JARID2: variants seen among roughly 807,000 people sequenced by gnomAD.
JARID2 encodes the protein jumonji and AT-rich interaction domain containing 2.
In JARID2, 21 loss-of-function variants were observed where a neutral mutation model predicts 125.6. The observed-to-expected ratio is 0.17, with a 90% CI of 0.12 to 0.24. The LOEUF (loss-of-function observed/expected upper bound fraction) is 0.24, where lower values mean the gene tolerates loss of function less well. JARID2 is among the 10% of genes least tolerant of loss of function. The pLI, the probability that JARID2 is intolerant of heterozygous loss-of-function variation, is 1.00. For missense variants in JARID2, 1,303 were observed against 1,639.6 expected (o/e 0.79, Z 3.55); for synonymous variants, 736 against 661.6 (o/e 1.11, Z -1.73).
chr6:15,318,824 G>T (rs532415069), intron 1 of JARID2, among the ~76,000 whole-genome samples: 870 of 152,332 alleles, frequency 5.7e-3, no homozygotes, highest in Non-Finnish European at 9.6e-3. Context: ...ATCTTGGAGG[G>T]TGGTGTGGGG....
At chr6:15,509,024 G>C in intron 12 of JARID2, 1 of 1,289,302 alleles carries the variant, frequency 7.8e-7, no homozygotes, top group East Asian at 5.6e-5. Flanking sequence ...GAGTTGACTT[G>C]GGAATCTCGT....
intron 1 of JARID2, among the ~76,000 whole-genome samples, chr6:15,258,938 G>A (rs543539951): frequency 2.0e-5 from 3 of 152,292 alleles, no homozygotes; most frequent in East Asian, 1.9e-4. Context: ...CCAGTTGTTC[G>A]AGGAAGAGGA....
intron 5 of JARID2, among the ~76,000 whole-genome samples, chr6:15,476,660 C>T (rs1031716698): frequency 7.9e-5 from 12 of 152,224 alleles, no homozygotes; most frequent in Non-Finnish European, 1.8e-4. Context: ...TCAAGGGTTA[C>T]AATAACAATG....
chr6:15,382,028 AAT>A (rs1764608347), intron 2 of JARID2, among the ~76,000 whole-genome samples: 1 of 152,262 alleles, frequency 6.6e-6, no homozygotes, highest in Non-Finnish European at 1.5e-5. Flanking sequence ...TCACGCCTGT[AAT>A]CCCAGCACTT....
At chr6:15,352,618 C>T (rs1358430886) in intron 1 of JARID2, among the ~76,000 whole-genome samples, 1 of 152,154 alleles carries the variant, frequency 6.6e-6, no homozygotes, top group Non-Finnish European at 1.5e-5. Context: ...CCCTTAACGT[C>T]CTGGAAACAT....
At position 15,300,684 on chromosome 6, in the gene JARID2, TG is replaced by T. The variant is rs1215380396; in HGVS notation, c.45+54101del. On this transcript the variant is annotated intron_variant, in intron 1 of 17. Transcript: ENST00000341776. ...TTGCAAAGACCCAGTGTCCTCATGT[TG>T]TGTGTGTGTGTGTGTGTGTGTGTGT... Among the ~76,000 whole-genome samples the T allele has an allele frequency of 1.7e-4, 10 of 57,444 alleles. No individual in the cohort carries two copies. In the South Asian group the frequency reaches 2.2e-3, roughly 13 times the overall value. The allele number at this position is 57,444 out of a possible 152,430, so 37.7% of individuals were successfully genotyped here. A position where few individuals can be genotyped will look rare whatever the true frequency, so the allele number is the denominator to read the frequency against.
At chr6:15,403,465 C>G (rs1765520112) in intron 2 of JARID2, among the ~76,000 whole-genome samples, 1 of 152,100 alleles carries the variant, frequency 6.6e-6, no homozygotes, top group Non-Finnish European at 1.5e-5. Flanking sequence ...TTACCTCTTC[C>G]TCTGAGGAAA....
At chr6:15,269,278 G>C (rs71551043) in intron 1 of JARID2, among the ~76,000 whole-genome samples, 29 of 152,190 alleles carry the variant, frequency 1.9e-4, no homozygotes, top group Admixed American at 1.2e-3. Flanking sequence ...ATTCTTGTTG[G>C]GGGGGGCGGA....
intron 1 of JARID2, among the ~76,000 whole-genome samples, chr6:15,299,311 C>T (rs1006899648): frequency 2.0e-5 from 3 of 152,164 alleles, no homozygotes; most frequent in Admixed American, 1.3e-4. Context: ...TTGTAATCTT[C>T]ATTGGGTTCT....
intron 3 of JARID2, among the ~76,000 whole-genome samples, chr6:15,428,990 G>C (rs1225860654): frequency 6.8e-6 from 1 of 146,586 alleles, no homozygotes; most frequent in Admixed American, 6.8e-5. Context: ...TGTCTTGATA[G>C]CTCCATCCTC....
chr6:15,506,273 C>G (rs972908049), intron 9 of JARID2, among the ~76,000 whole-genome samples: 3 of 152,226 alleles, frequency 2.0e-5, no homozygotes, highest in African/African-American at 7.2e-5. Context: ...CCCTCAGTTT[C>G]AGCAAATACG....
chr6:15,256,295 C>G (rs1759662664), intron 1 of JARID2, among the ~76,000 whole-genome samples: 1 of 152,114 alleles, frequency 6.6e-6, no homozygotes, highest in African/African-American at 2.4e-5. Flanking sequence ...CAGAACAAGG[C>G]TTTACGGATT....
In JARID2 at chr6:15,497,867, G is replaced by C. The variant is rs925237442; in HGVS notation, c.1945+697G>C. Among the ~76,000 whole-genome samples the C allele has an allele frequency of 3.3e-5, 5 of 152,086 alleles. No individual in the cohort carries two copies. In the South Asian group the frequency reaches 1.0e-3, roughly 32 times the overall value. ...GGGGCCAGCAGGGTTGGTTTCTCCC[G>C]AAACCAACAAGACCTCCCTCCTTGG... On this transcript the variant is annotated intron_variant, in intron 7 of 17. Transcript: ENST00000341776.
intron 2 of JARID2, chr6:15,400,736 A>T (rs1296128418): frequency 2.2e-6 from 2 of 923,460 alleles, no homozygotes; most frequent in Non-Finnish European, 2.6e-6. Flanking sequence ...CCTTGCACAT[A>T]AATAACCTTC....
intron 4 of JARID2, among the ~76,000 whole-genome samples, chr6:15,458,880 G>A (rs1318635273): frequency 2.0e-5 from 3 of 152,190 alleles, no homozygotes; most frequent in African/African-American, 7.2e-5. Flanking sequence ...AGAAAGTTAG[G>A]ATAAGCCTCA....
intron 6 of JARID2, among the ~76,000 whole-genome samples, chr6:15,492,004 A>C (rs974004756): frequency 1.1e-4 from 16 of 152,234 alleles, no homozygotes; most frequent in Non-Finnish European, 2.1e-4. Flanking sequence ...TAACTTGAAA[A>C]TGCTCTCAAC....
At chr6:15,407,560 C>T (rs1348957746) in intron 2 of JARID2, among the ~76,000 whole-genome samples, 1 of 152,182 alleles carries the variant, frequency 6.6e-6, no homozygotes, top group Non-Finnish European at 1.5e-5. Context: ...GGTATAGGAA[C>T]CCTTCCCAGT....
intron 1 of JARID2, among the ~76,000 whole-genome samples, chr6:15,331,722 T>G (rs1762717021): frequency 6.6e-6 from 1 of 151,912 alleles, no homozygotes; most frequent in Non-Finnish European, 1.5e-5. Context: ...CCGGGTATGT[T>G]GGCAGGAGAA....
intron 1 of JARID2, among the ~76,000 whole-genome samples, chr6:15,360,369 G>T (rs914226664): frequency 2.6e-5 from 4 of 152,050 alleles, no homozygotes; most frequent in Admixed American, 6.6e-5. Flanking sequence ...ATTTTTTGTA[G>T]AGACGGAGTT....
Sources: allele counts gnomAD v4.1 joint callset (sites outside exome capture counted in the v4.1 genomes callset), GRCh38; gene constraint gnomAD v4.1.1; transcripts MANE v1.5; gene names NCBI Gene and HGNC (gene_info 2026-07-23, HGNC 2026-07-21).